The following CREB5 variants were observed in gnomAD, a reference collection of about 807,000 sequenced individuals.
CREB5 encodes cAMP responsive element binding protein 5, also known as cyclic AMP-responsive element-binding protein 5.
In CREB5, 19 loss-of-function variants were observed where a neutral mutation model predicts 57.1. The ratio of observed to expected loss-of-function variants is 0.33; its 90% CI spans 0.23 to 0.49. CREB5 has a LOEUF of 0.49. CREB5 is among the 20% of genes least tolerant of loss of function. The pLI is 0.99. For missense variants in CREB5, 579 were observed against 671.6 expected (o/e 0.86, Z 1.52); for synonymous variants, 238 against 238.3 (o/e 1.00, Z 0.01).
intron 7 of CREB5, among the ~76,000 whole-genome samples, chr7:28,769,881 C>T (rs930839794): frequency 1.3e-5 from 2 of 152,316 alleles, no homozygotes; most frequent in Middle Eastern, 3.4e-3. Context: ...CAAGTAGGAT[C>T]ACTAGAGCAT....
chr7:28,556,522 T>G (rs1794886735), intron 4 of CREB5, among the ~76,000 whole-genome samples: 1 of 152,348 alleles, frequency 6.6e-6, no homozygotes, highest in East Asian at 1.9e-4. Context: ...TTTATTTTTC[T>G]GTGTGTTAGG....
At chr7:28,716,902 G>C (rs1017966376) in intron 5 of CREB5, among the ~76,000 whole-genome samples, 1 of 152,114 alleles carries the variant, frequency 6.6e-6, no homozygotes, top group African/African-American at 2.4e-5. Flanking sequence ...CTATACTCCA[G>C]AGTTCCAAGA....
chr7:28,683,269 T>C (rs1800691251), intron 5 of CREB5, among the ~76,000 whole-genome samples: 1 of 152,138 alleles, frequency 6.6e-6, no homozygotes, highest in African/African-American at 2.4e-5. Context: ...CTTGTCTCTC[T>C]TTAGCTGCTC....
At chr7:28,424,775 A>G (rs1241872744) in intron 1 of CREB5, among the ~76,000 whole-genome samples, 4 of 152,200 alleles carry the variant, frequency 2.6e-5, no homozygotes, top group African/African-American at 9.7e-5. Flanking sequence ...AAAATCACCC[A>G]TTCCCATAAA....
At chr7:28,705,109 A>G (rs1160393018) in intron 5 of CREB5, among the ~76,000 whole-genome samples, 1 of 152,212 alleles carries the variant, frequency 6.6e-6, no homozygotes, top group Non-Finnish European at 1.5e-5. Flanking sequence ...TGACGCCTAT[A>G]ATCCCAGCAC....
At chr7:28,530,563 C>T (rs1793682005) in intron 4 of CREB5, among the ~76,000 whole-genome samples, 1 of 152,108 alleles carries the variant, frequency 6.6e-6, no homozygotes, top group Non-Finnish European at 1.5e-5. Flanking sequence ...ATTTTTCCTT[C>T]TTGCTGCAAA....
intron 1 of CREB5, among the ~76,000 whole-genome samples, chr7:28,314,232 G>C (rs769229422): frequency 2.0e-5 from 3 of 152,180 alleles, no homozygotes; most frequent in Non-Finnish European, 4.4e-5. Flanking sequence ...CTTAATTAAT[G>C]ATTAAAAGCA....
chr7:28,774,007 T>C (rs183855661), intron 7 of CREB5, among the ~76,000 whole-genome samples: 25 of 152,324 alleles, frequency 1.6e-4, no homozygotes, highest in Admixed American at 1.4e-3. Context: ...TTTCCCTCCA[T>C]GTAGAGGTTG....
intron 5 of CREB5, among the ~76,000 whole-genome samples, chr7:28,665,944 T>C (rs1562558874): frequency 6.6e-6 from 1 of 152,126 alleles, no homozygotes; most frequent in Non-Finnish European, 1.5e-5. Context: ...AAATATCCCA[T>C]GTAAAAGTCA....
At chr7:28,766,117 C>T (rs1353419752) in intron 7 of CREB5, among the ~76,000 whole-genome samples, 2 of 151,946 alleles carry the variant, frequency 1.3e-5, no homozygotes, top group African/African-American at 4.8e-5. Flanking sequence ...TTTGTATGTT[C>T]CTTAGCACAT....
At chr7:28,775,063 T>C (rs1806541370) in intron 7 of CREB5, among the ~76,000 whole-genome samples, 3 of 152,232 alleles carry the variant, frequency 2.0e-5, no homozygotes, top group South Asian at 2.1e-4. Flanking sequence ...TTCGGCACTA[T>C]AATTCATGAA....
chr7:28,369,813 A>C (rs1156932720), intron 1 of CREB5, among the ~76,000 whole-genome samples: 1 of 152,116 alleles, frequency 6.6e-6, no homozygotes, highest in Non-Finnish European at 1.5e-5. Context: ...TTCACCAGAC[A>C]CCACCTCCTT....
At chr7:28,818,252 T>C (rs1455511525) in intron 10 of CREB5, 73 bp downstream of exon 10, 5 of 1,033,116 alleles carry the variant, frequency 4.8e-6, no homozygotes, top group Non-Finnish European at 7.5e-6. Flanking sequence ...TGAATTTGAT[T>C]GAAAGAGCAA....
chr7:28,405,261 C>T (rs1787554180), intron 1 of CREB5, among the ~76,000 whole-genome samples: 1 of 152,178 alleles, frequency 6.6e-6, no homozygotes, highest in South Asian at 2.1e-4. Flanking sequence ...AGCAGCATCC[C>T]TTTCCCCATC....
At chr7:28,349,792 A>G (rs1166676364) in intron 1 of CREB5, among the ~76,000 whole-genome samples, 1 of 152,132 alleles carries the variant, frequency 6.6e-6, no homozygotes, top group Non-Finnish European at 1.5e-5. Flanking sequence ...TGTATCTTCA[A>G]TCATCCAGTC....
At chr7:28,417,044 TGAG>T (rs1195963114) in intron 1 of CREB5, among the ~76,000 whole-genome samples, 1 of 152,220 alleles carries the variant, frequency 6.6e-6, no homozygotes, top group African/African-American at 2.4e-5. Flanking sequence ...ATGAGCAGCC[TGAG>T]ACTGGAGGAG....
intron 7 of CREB5, among the ~76,000 whole-genome samples, chr7:28,787,826 T>G (rs1807424170): frequency 6.6e-6 from 1 of 152,160 alleles, no homozygotes; most frequent in South Asian, 2.1e-4. Flanking sequence ...AGTGCTGGGA[T>G]TACAGGCATG....
At chr7:28,617,319 T>C (rs998285586) in intron 5 of CREB5, among the ~76,000 whole-genome samples, 4 of 152,228 alleles carry the variant, frequency 2.6e-5, no homozygotes, top group South Asian at 2.1e-4. Context: ...ATTTCTTTTT[T>C]ACCCGTGCAA....
chr7:28,468,892 A>G (rs1562738218), intron 1 of CREB5, among the ~76,000 whole-genome samples: 1 of 152,234 alleles, frequency 6.6e-6, no homozygotes, highest in East Asian at 1.9e-4. Context: ...GTCCAAGATC[A>G]TGTAGGTCTT....
Sources: allele counts gnomAD v4.1 joint callset (sites outside exome capture counted in the v4.1 genomes callset), GRCh38; gene constraint gnomAD v4.1.1; transcripts MANE v1.5; gene names NCBI Gene and HGNC (gene_info 2026-07-23, HGNC 2026-07-21).